The following NT5E variants were observed in gnomAD, a reference collection of about 807,000 sequenced individuals.
The protein encoded by NT5E is 5'-nucleotidase.
A neutral mutation model predicts 55.1 loss-of-function variants in NT5E; 53 were observed. The ratio of observed to expected loss-of-function variants is 0.96; its 90% CI spans 0.77 to 1.21. The LOEUF (loss-of-function observed/expected upper bound fraction) is 1.21, where lower values mean the gene tolerates loss of function less well. Among genes scored for constraint, NT5E ranks in the 50% most tolerant of loss-of-function variants. The pLI is 0.00. For missense variants in NT5E, 683 were observed against 724.3 expected (o/e 0.94, Z 0.65); for synonymous variants, 270 against 278.4 (o/e 0.97, Z 0.30).
intron 3 of NT5E, among the ~76,000 whole-genome samples, chr6:85,472,358 T>A (rs893049078): frequency 6.6e-6 from 1 of 152,204 alleles, no homozygotes; most frequent in African/African-American, 2.4e-5. Flanking sequence ...CCAAAAACAT[T>A]AAAAGGGATT....
rs918764751 is a variant in NT5E, at chr6:85,450,562, G to A, written c.339+84G>A. 8 of 1,296,958 alleles carry A rather than the reference G, an allele frequency of 6.2e-6. No individual in the cohort carries two copies. The African/African-American group carries it at 7.3e-5, about 12-fold the overall frequency. 80.3% of individuals were successfully genotyped at this position (1,296,958 alleles called of 1,614,324 possible). ...GAAAAGCAGCGGATGGCAGAGTGTG[G>A]CAAGCCTAGGTCCAGGGCGCGGAGA... On this transcript the variant is annotated intron_variant, in intron 1 of 8. Coordinates refer to ENST00000257770, the MANE Select transcript of NT5E (RefSeq NM_002526.4). This position sits in a 1 kb window ranked among gnomAD's most constrained non-coding sequence, Gnocchi z 4.0.
At chr6:85,483,085 C>T (rs1309582291) in intron 3 of NT5E, among the ~76,000 whole-genome samples, 1 of 152,234 alleles carries the variant, frequency 6.6e-6, no homozygotes, top group Admixed American at 6.5e-5. Context: ...CATACTGAGG[C>T]ATCTGACCGG....
At chr6:85,464,679 G>T (rs1769156664) in intron 1 of NT5E, among the ~76,000 whole-genome samples, 1 of 152,178 alleles carries the variant, frequency 6.6e-6, no homozygotes, top group Admixed American at 6.5e-5. Flanking sequence ...AGTTTTTCTG[G>T]CAGCAATATA....
At chr6:85,467,937 T>C (rs935524318) in intron 2 of NT5E, among the ~76,000 whole-genome samples, 1 of 151,840 alleles carries the variant, frequency 6.6e-6, no homozygotes, top group African/African-American at 2.4e-5. Flanking sequence ...CACACACACA[T>C]ATATAATCTT....
In NT5E at chr6:85,491,828, G is replaced by T. The variant is rs1042747547; in HGVS notation, c.1361-149G>T. 4.2e-6 allele frequency: 3 copies of T among 718,440 alleles called. No homozygotes were observed. The African/African-American group carries it at 5.3e-5, about 13-fold the overall frequency. 44.5% of individuals were successfully genotyped at this position (718,440 alleles called of 1,614,324 possible). On this transcript the variant is annotated intron_variant, in intron 7 of 8. Transcript: ENST00000257770. Reference sequence around the variant, plus strand: ...CTCAAGGATAAAGGGTGGCTGCAATGTCACAATTCTCTTGACAAAATTTCA... The same window carrying T: ...CTCAAGGATAAAGGGTGGCTGCAATTTCACAATTCTCTTGACAAAATTTCA...
At chr6:85,469,378 C>T (rs960266142) in intron 2 of NT5E, among the ~76,000 whole-genome samples, 2 of 151,918 alleles carry the variant, frequency 1.3e-5, no homozygotes, top group Non-Finnish European at 2.9e-5. Flanking sequence ...TGTCTGTGTG[C>T]CAGGCACTGT....
In NT5E at chr6:85,450,086, C is replaced by A; in HGVS notation, c.-54C>A. ...CCGGCCCTAGCTGCTCGCCCCTACT[C>A]GCCGGCACTCGCCCGGCTCGCCCGC... On this transcript the variant is annotated 5_prime_UTR_variant, in exon 1 of 9. Coordinates refer to ENST00000257770, the MANE Select transcript of NT5E (RefSeq NM_002526.4). The surrounding 1 kb of genome is among the most constrained non-coding windows in gnomAD (Gnocchi z 4.0). 6.9e-7 allele frequency: 1 copy of A among 1,442,548 alleles called. No homozygotes were observed. The highest frequency in any genetic ancestry group is 9.4e-7 in the Non-Finnish European group (1 of 1,065,276). 89.4% of individuals were successfully genotyped at this position (1,442,548 alleles called of 1,614,324 possible).
chr6:85,460,082 A>G (rs1207904069), intron 1 of NT5E, among the ~76,000 whole-genome samples: 2 of 152,254 alleles, frequency 1.3e-5, no homozygotes, highest in East Asian at 1.9e-4. Context: ...AAGTAATAAT[A>G]TCTCTATTCA....
intron 5 of NT5E, among the ~76,000 whole-genome samples, chr6:85,488,455 G>A (rs1438904170): frequency 6.6e-6 from 1 of 152,224 alleles, no homozygotes; most frequent in African/African-American, 2.4e-5. Context: ...GGAGAAGCTG[G>A]TATATAAATG....
intron 3 of NT5E, among the ~76,000 whole-genome samples, chr6:85,477,885 G>A (rs1769466440): frequency 6.6e-6 from 1 of 152,146 alleles, no homozygotes; most frequent in Non-Finnish European, 1.5e-5. Context: ...GGTTGGGCAT[G>A]TTGGCAATCC....
In NT5E at chr6:85,471,362, G is replaced by T. The variant is rs1769303116; in HGVS notation, c.688G>T (p.Ala230Ser). ...GGGTTTTGAAATGGATAAACTCATC[G>T]CTCAGAAAGTGAGGGGTGTGGACGT... is the stretch of plus-strand genomic sequence containing the variant. Reference protein sequence around the residue: ...HSGFEMDKLIAQKVRGVDVVV... With the variant: ...HSGFEMDKLISQKVRGVDVVV... Residue 230 changes from alanine to serine, a missense_variant, in exon 3 of 9, where the codon GCT (alanine) becomes TCT (serine). By Grantham distance (99) the Ala-to-Ser change is moderately conservative. Transcript: ENST00000257770. The T allele has an allele frequency of 2.5e-6, 4 of 1,612,950 alleles. No homozygotes were observed. The highest frequency in any genetic ancestry group is 2.7e-5 in the African/African-American group (2 of 74,882).
rs535885217 is a variant in NT5E, at chr6:85,495,339, G to A, written c.*1335G>A. On this transcript the variant is annotated 3_prime_UTR_variant, in exon 9 of 9. Transcript: ENST00000257770. Reference sequence around the variant, plus strand: ...TTAACGTGGGAGTGGAACCACATGAGCCTGCTCAGCTCTGCATAAGTAATT... The same window carrying A: ...TTAACGTGGGAGTGGAACCACATGAACCTGCTCAGCTCTGCATAAGTAATT... 1.3e-5 allele frequency: 2 copies of A among 152,210 alleles called. No homozygotes were observed. Among genetic ancestry groups the A allele is most frequent in the Non-Finnish European group, 2.9e-5 (2 of 68,042 alleles). The allele number at this position is 152,210 out of a possible 1,614,324, so 9.4% of individuals were successfully genotyped here.
intron 1 of NT5E, among the ~76,000 whole-genome samples, chr6:85,455,202 C>T (rs1768964462): frequency 6.6e-6 from 1 of 152,212 alleles, no homozygotes; most frequent in South Asian, 2.1e-4. Flanking sequence ...CTAGAAATTT[C>T]CTAAGTAATA....
Position 85,492,175 on chromosome 6 carries a change from C to G in NT5E, c.1559C>G (p.Ser520Cys). Residue 520 changes from serine to cysteine, a missense_variant and splice_region_variant, in exon 8 of 9, where the codon TCT (serine) becomes TGT (cysteine). Ser to Cys is a moderately radical substitution (Grantham distance 112). Coordinates refer to ENST00000257770, the MANE Select transcript of NT5E (RefSeq NM_002526.4). ...MIKDELLRHD[S>C]GDQDINVVST... ...AAAGATGAATTATTAAGACATGACT[C>G]TGGTAAGCATGACTGTCTCTTCCTT... 1 of 1,613,700 alleles carries G rather than the reference C, an allele frequency of 6.2e-7. No homozygotes were observed. The highest frequency in any genetic ancestry group is 8.5e-7 in the Non-Finnish European group (1 of 1,179,642).
chr6:85,453,867 A>C (rs1768939722), intron 1 of NT5E, among the ~76,000 whole-genome samples: 1 of 152,304 alleles, frequency 6.6e-6, no homozygotes, highest in East Asian at 1.9e-4. Flanking sequence ...CATAGACAAC[A>C]TTCTAATGTG....
Position 85,450,127 on chromosome 6 carries a change from A to C in NT5E, c.-13A>C. ...GCTCGCCCGCTTTCGCACCCAGTTC[A>C]CGCGCCACAGCTATGTGTCCCCGAG... On this transcript the variant is annotated 5_prime_UTR_variant, in exon 1 of 9. Coordinates refer to ENST00000257770, the MANE Select transcript of NT5E (RefSeq NM_002526.4). The surrounding 1 kb of genome is among the most constrained non-coding windows in gnomAD (Gnocchi z 4.0). 1 of 1,554,658 alleles carries C rather than the reference A, an allele frequency of 6.4e-7. No individual in the cohort carries two copies. Among genetic ancestry groups the C allele is most frequent in the Non-Finnish European group, 8.7e-7 (1 of 1,154,400 alleles).
intron 1 of NT5E, among the ~76,000 whole-genome samples, chr6:85,460,029 A>G (rs2127754837): frequency 6.6e-6 from 1 of 152,348 alleles, no homozygotes; most frequent in South Asian, 2.1e-4. Context: ...TCCCTTTGGG[A>G]ATATACAATG....
In NT5E at chr6:85,450,257, C is replaced by T; in HGVS notation, c.118C>T (p.Arg40Trp). 6.2e-7 allele frequency: 1 copy of T among 1,609,490 alleles called. No homozygotes were observed. The change falls in exon 1 of 9, where the codon CGG becomes TGG. Residue 40 changes from arginine (R) to tryptophan (W), a missense_variant. Arg to Trp is a moderately radical substitution (Grantham distance 101). Transcript: ENST00000257770. This position sits in a 1 kb window ranked among gnomAD's most constrained non-coding sequence, Gnocchi z 4.0. ...TILHTNDVHS[R>W]LEQTSEDSSK... ...TTTGCACACCAACGACGTGCACAGC[C>T]GGCTGGAGCAGACCAGCGAGGACTC...
At chr6:85,477,948 G>A (rs1484424477) in intron 3 of NT5E, among the ~76,000 whole-genome samples, 1 of 151,210 alleles carries the variant, frequency 6.6e-6, no homozygotes, top group African/African-American at 2.4e-5. Flanking sequence ...CATCACTTGA[G>A]CCCAGGAGTT....
Sources: allele counts gnomAD v4.1 joint callset (sites outside exome capture counted in the v4.1 genomes callset), GRCh38; gene constraint gnomAD v4.1.1; non-coding constraint Gnocchi (gnomAD v3.1); transcripts MANE v1.5; gene names NCBI Gene and HGNC (gene_info 2026-07-23, HGNC 2026-07-21).